PIK3C2G: variants seen among roughly 807,000 people sequenced by gnomAD.
The protein encoded by PIK3C2G is phosphatidylinositol 3-kinase C2 domain-containing subunit gamma.
PIK3C2G carries 168 observed loss-of-function variants against 181.1 expected under a neutral mutation model. The ratio of observed to expected loss-of-function variants is 0.93; its 90% CI spans 0.82 to 1.05. The LOEUF is 1.05. PIK3C2G is among the 50% of genes least tolerant of loss of function. The probability of loss-of-function intolerance (pLI) is 0.00; values close to 1 mark genes in which losing one functional copy is unlikely to be tolerated. For synonymous variants in PIK3C2G, 573 were observed against 592.2 expected, an observed-to-expected ratio of 0.97 and a Z score of 0.47; for missense variants, 1,869 against 1,732.8, an observed-to-expected ratio of 1.08 and a Z score of -1.40.
At chr12:18,563,168 T>A (rs766988976) in intron 27 of PIK3C2G, among the ~76,000 whole-genome samples, 1 of 152,170 alleles carries the variant, frequency 6.6e-6, no homozygotes, top group Non-Finnish European at 1.5e-5. Context: ...CAGCAAAAAT[T>A]AGGCAATCTG....
At chr12:18,670,294 G>GCA in the PIK3C2G span, among the ~76,000 whole-genome samples, 5,468 of 150,284 alleles carry the variant, frequency 0.036, 140 homozygotes, top group Middle Eastern at 0.099. Context: ...ACACATATGC[G>GCA]CACACACACA....
At chr12:18,260,995 A>ATC (rs1380645193), upstream of PIK3C2G, among the ~76,000 whole-genome samples, 2 of 152,116 alleles carry the variant, frequency 1.3e-5, no homozygotes, top group African/African-American at 4.8e-5. Flanking sequence ...TTTACTATGC[A>ATC]TCCTAAGGCT....
In PIK3C2G at chr12:18,571,647, G is replaced by T. The variant is rs1055146875; in HGVS notation, c.4011+4590G>T. Among the ~76,000 whole-genome samples the T allele has an allele frequency of 1.3e-4, 19 of 150,616 alleles. 3 individuals are homozygous for T. The highest frequency in any genetic ancestry group is 4.7e-4 in the African/African-American group (19 of 40,272). On this transcript the variant is annotated intron_variant, in intron 29 of 32. Coordinates refer to ENST00000538779, the MANE Select transcript of PIK3C2G (RefSeq NM_001288772.2). ...CTTTTGTCTGAAAAATCTTTCTTCT[G>T]TATTACTAATATAGCCAAGCCAGCT...
intron 32 of PIK3C2G, among the ~76,000 whole-genome samples, chr12:18,644,710 G>A (rs889378481): frequency 1.6e-4 from 24 of 152,222 alleles, no homozygotes; most frequent in African/African-American, 5.5e-4. Flanking sequence ...TACACAACTA[G>A]ATGTCAAGCC....
chr12:18,467,943 C>T (rs951852646), intron 18 of PIK3C2G, among the ~76,000 whole-genome samples: 2 of 151,956 alleles, frequency 1.3e-5, no homozygotes, highest in Admixed American at 6.6e-5. Flanking sequence ...GGTTTTTGCT[C>T]CCCTGAGTGG....
At chr12:18,616,894 A>T (rs1178439596) in intron 31 of PIK3C2G, among the ~76,000 whole-genome samples, 1 of 152,166 alleles carries the variant, frequency 6.6e-6, no homozygotes, top group Non-Finnish European at 1.5e-5. Context: ...AAATGGATTA[A>T]ATAATTTCCA....
chr12:18,639,340 TG>T (rs1256525501), intron 31 of PIK3C2G, among the ~76,000 whole-genome samples: 5 of 152,072 alleles, frequency 3.3e-5, no homozygotes, highest in Non-Finnish European at 5.9e-5. Context: ...GAGCTGGGTG[TG>T]GGGGTGCACT....
intron 31 of PIK3C2G, among the ~76,000 whole-genome samples, chr12:18,621,323 C>A (rs1325894402): frequency 6.6e-6 from 1 of 151,892 alleles, no homozygotes; most frequent in African/African-American, 2.4e-5. Context: ...TAAAACCTTA[C>A]TTCTACATGT....
At chr12:18,449,878 T>C (rs1015086698) in intron 18 of PIK3C2G, among the ~76,000 whole-genome samples, 1 of 152,220 alleles carries the variant, frequency 6.6e-6, no homozygotes, top group African/African-American at 2.4e-5. Flanking sequence ...CCATAATGGT[T>C]GAACTAATTT....
At chr12:18,524,099 T>C (rs556841645) in intron 24 of PIK3C2G, among the ~76,000 whole-genome samples, 2 of 152,116 alleles carry the variant, frequency 1.3e-5, no homozygotes, top group African/African-American at 4.8e-5. Context: ...GCCCAGGTGG[T>C]TTAACCTTGT....
In PIK3C2G at chr12:18,402,497, G is replaced by A. The variant is rs972764381; in HGVS notation, c.2315+2650G>A. 2.6e-5 allele frequency among the ~76,000 whole-genome samples: 4 copies of A among 151,986 alleles called. No individual in the cohort carries two copies. The East Asian group carries it at 5.8e-4, about 22-fold the overall frequency. ...ACATTGAATTGTGCACTTTAAATGG[G>A]GTGGATTGTATGGTATTTCAATATC... On this transcript the variant is annotated intron_variant, in intron 16 of 32. Coordinates refer to ENST00000538779, the MANE Select transcript of PIK3C2G (RefSeq NM_001288772.2).
the PIK3C2G span, among the ~76,000 whole-genome samples, chr12:18,708,383 A>G: frequency 2.6e-5 from 4 of 152,162 alleles, no homozygotes; most frequent in African/African-American, 9.7e-5. Context: ...TCCATTGCAT[A>G]TATCCATTTT....
intron 29 of PIK3C2G, among the ~76,000 whole-genome samples, chr12:18,593,734 G>A (rs1947206298): frequency 6.6e-6 from 1 of 151,790 alleles, no homozygotes; most frequent in Non-Finnish European, 1.5e-5. Context: ...TGGAGATCAG[G>A]TTAAATGTCA....
chr12:18,691,943 G>T, the PIK3C2G span, among the ~76,000 whole-genome samples: 1 of 152,158 alleles, frequency 6.6e-6, no homozygotes, highest in Non-Finnish European at 1.5e-5. Flanking sequence ...CTGGAAAACA[G>T]CTCTCAATCC....
At chr12:18,617,375 G>A (rs148593457) in intron 31 of PIK3C2G, among the ~76,000 whole-genome samples, 5 of 152,100 alleles carry the variant, frequency 3.3e-5, no homozygotes, top group African/African-American at 7.2e-5. Flanking sequence ...AGTTTCACTC[G>A]CTTTCTATCA....
chr12:18,483,645 G>A (rs780393336), intron 18 of PIK3C2G, among the ~76,000 whole-genome samples: 1 of 151,252 alleles, frequency 6.6e-6, no homozygotes, highest in Non-Finnish European at 1.5e-5. Context: ...TTTATTTTCA[G>A]TAATTAGATT....
At chr12:18,449,867 T>C (rs1947252103) in intron 18 of PIK3C2G, among the ~76,000 whole-genome samples, 1 of 152,172 alleles carries the variant, frequency 6.6e-6, no homozygotes, top group African/African-American at 2.4e-5. Flanking sequence ...CACACTGTCT[T>C]CCATAATGGT....
the PIK3C2G span, among the ~76,000 whole-genome samples, chr12:18,660,628 T>G: frequency 7.4e-3 from 1,125 of 152,270 alleles, 17 homozygotes; most frequent in African/African-American, 0.026. Flanking sequence ...TACCTCAGGC[T>G]GGTCCTTGGC....
chr12:18,623,438 AT>A (rs1369375458), intron 31 of PIK3C2G, among the ~76,000 whole-genome samples: 1 of 151,622 alleles, frequency 6.6e-6, no homozygotes, highest in Non-Finnish European at 1.5e-5. Flanking sequence ...AATTACTATC[AT>A]TTTGTTGTAT....
Sources: allele counts gnomAD v4.1 joint callset (sites outside exome capture counted in the v4.1 genomes callset), GRCh38; gene constraint gnomAD v4.1.1; transcripts MANE v1.5; gene names NCBI Gene and HGNC (gene_info 2026-07-23, HGNC 2026-07-21).